PPP2R5C: variants seen among roughly 807,000 people sequenced by gnomAD.
PPP2R5C encodes protein phosphatase 2 regulatory subunit B'gamma.
PPP2R5C carries 7 observed loss-of-function variants against 68.9 expected under a neutral mutation model. The ratio of observed to expected loss-of-function variants is 0.10; its 90% CI spans 0.06 to 0.19. The LOEUF is 0.19. Ranked by LOEUF, PPP2R5C falls within the 10% of genes least tolerant of loss-of-function variation. PPP2R5C has a pLI of 1.00. For synonymous variants in PPP2R5C, 210 were observed against 222.2 expected, an observed-to-expected ratio of 0.95 and a Z score of 0.49; for missense variants, 348 against 641.3, an observed-to-expected ratio of 0.54 and a Z score of 4.94.
At chr14:101,763,846 C>G (rs559911858) in intron 2 of PPP2R5C, among the ~76,000 whole-genome samples, 2 of 152,346 alleles carry the variant, frequency 1.3e-5, no homozygotes, top group South Asian at 4.1e-4. Flanking sequence ...GTGGTTAGTT[C>G]TTTTTCTTCC....
At chr14:101,852,438 CT>C (rs896000840) in intron 1 of PPP2R5C, among the ~76,000 whole-genome samples, 100 of 134,578 alleles carry the variant, frequency 7.4e-4, no homozygotes, top group Middle Eastern at 3.9e-3. Context: ...ATAGCACATT[CT>C]TTTTTTTTCT....
Position 101,797,618 on chromosome 14 carries a change from G to A in PPP2R5C, c.259+11435G>A, listed in dbSNP as rs1174063510. ...TTTCCTCTTGGAAAATGAGGCTCCTGACTCACTTGACCTACTGCGTAGGCT... is the reference window on the plus strand; with the variant it reads ...TTTCCTCTTGGAAAATGAGGCTCCTAACTCACTTGACCTACTGCGTAGGCT... On this transcript the variant is annotated intron_variant, in intron 3 of 14. Transcript: ENST00000328724. This position sits in a 1 kb window ranked among gnomAD's most constrained non-coding sequence, Gnocchi z 4.2. The A allele has an allele frequency of 4.2e-6, 1 of 238,456 alleles. No homozygotes were observed. The allele number at this position is 238,456 out of a possible 1,614,324, so 14.8% of individuals were successfully genotyped here.
chr14:101,821,372 C>A (rs1023815413), intron 1 of PPP2R5C, among the ~76,000 whole-genome samples: 3 of 146,530 alleles, frequency 2.0e-5, no homozygotes, highest in Non-Finnish European at 4.5e-5. Flanking sequence ...CTACCATCCC[C>A]ACATCTCAAA....
At chr14:101,881,564 C>G (rs2044172098) in intron 2 of PPP2R5C, among the ~76,000 whole-genome samples, 1 of 152,224 alleles carries the variant, frequency 6.6e-6, no homozygotes, top group Non-Finnish European at 1.5e-5. Context: ...CCTGGGCGCA[C>G]AGCCATGCTG....
At chr14:101,799,380 A>G (rs1036256567) in intron 3 of PPP2R5C, among the ~76,000 whole-genome samples, 14 of 151,990 alleles carry the variant, frequency 9.2e-5, no homozygotes, top group African/African-American at 3.4e-4. Flanking sequence ...TGGGGAGCGC[A>G]CTCCATATCT....
At chr14:101,805,026 T>A (rs2039019881), upstream of PPP2R5C, among the ~76,000 whole-genome samples, 1 of 152,142 alleles carries the variant, frequency 6.6e-6, no homozygotes, top group Non-Finnish European at 1.5e-5. Flanking sequence ...TAAAAATAAG[T>A]TTTAAAAAAT....
At chr14:101,788,161 G>A (rs1010060395) in intron 3 of PPP2R5C, among the ~76,000 whole-genome samples, 4 of 152,202 alleles carry the variant, frequency 2.6e-5, no homozygotes, top group Admixed American at 2.0e-4. Context: ...CCCAAGCCCT[G>A]CCCCTAATGC....
In PPP2R5C at chr14:101,825,469, G is replaced by A. The variant is rs919467906; in HGVS notation, c.94+15433G>A. On this transcript the variant is annotated intron_variant, in intron 1 of 13. Coordinates refer to ENST00000334743, the Ensembl canonical transcript of PPP2R5C. The surrounding 1 kb of genome is among the most constrained non-coding windows in gnomAD (Gnocchi z 4.0). Reference sequence around the variant, plus strand: ...AAAGGTAGCTTTCCTAGTCCTTATCGTAGAGTGCACGCTCCCAGCTTTTGC... The same window carrying A: ...AAAGGTAGCTTTCCTAGTCCTTATCATAGAGTGCACGCTCCCAGCTTTTGC... Among the ~76,000 whole-genome samples, 2 of 152,090 alleles carry A rather than the reference G, an allele frequency of 1.3e-5. No homozygotes were observed. Among genetic ancestry groups the A allele is most frequent in the Non-Finnish European group, 1.5e-5 (1 of 68,008 alleles).
intron 1 of PPP2R5C, among the ~76,000 whole-genome samples, chr14:101,822,997 C>T (rs67245746): frequency 0.17 from 25,673 of 152,050 alleles, 2,247 homozygotes; most frequent in Admixed American, 0.21. Context: ...GTGTAACATA[C>T]GGGCTGAGAC....
intron 1 of PPP2R5C, chr14:101,843,499 C>G (rs946117834): frequency 5.6e-6 from 1 of 177,594 alleles, no homozygotes; most frequent in African/African-American, 2.4e-5. Flanking sequence ...AAAAGAGAAC[C>G]ACCTTTTGCT....
intron 1 of PPP2R5C, among the ~76,000 whole-genome samples, chr14:101,832,708 G>A (rs4906147): frequency 3.3e-5 from 5 of 152,104 alleles, no homozygotes; most frequent in South Asian, 2.1e-4. Context: ...AGGGTGGAGC[G>A]GGACTGTGGA....
At chr14:101,919,393 C>CA (rs2046886452) in intron 13 of PPP2R5C, among the ~76,000 whole-genome samples, 1 of 152,206 alleles carries the variant, frequency 6.6e-6, no homozygotes, top group Non-Finnish European at 1.5e-5. Flanking sequence ...ATGTTCTTAG[C>CA]AATGAATAGA....
At chr14:101,883,260 G>T (rs1595463144) in exon 4 of PPP2R5C, 1 of 1,541,994 alleles carries the variant, frequency 6.5e-7, no homozygotes, top group Admixed American at 2.1e-5. Context: ...CTCCTAGCTT[G>T]TTTATGAATT....
intron 3 of PPP2R5C, among the ~76,000 whole-genome samples, chr14:101,795,911 C>T (rs1326364920): frequency 6.6e-6 from 1 of 152,164 alleles, no homozygotes; most frequent in African/African-American, 2.4e-5. Context: ...CAGCCTGGAC[C>T]TCCCAGGCTC....
chr14:101,810,319 A>G (rs2039283034), intron 1 of PPP2R5C: 1 of 342,708 alleles, frequency 2.9e-6, no homozygotes, highest in Admixed American at 4.9e-5. Flanking sequence ...GCTGATGTCA[A>G]AGGATGTGAA....
chr14:101,917,952 A>C lies in PPP2R5C; in HGVS notation c.1443+5A>C, dbSNP rs771483753. 1.2e-6 allele frequency: 2 copies of C among 1,613,722 alleles called. No homozygotes were observed. Among genetic ancestry groups the C allele is most frequent in the African/African-American group, 2.7e-5 (2 of 74,896 alleles). ...GTGAAGGACGAGGCTCATCAGGTAA[A>C]AGTGCACCGAGCTCAGCTGGGCACC... On this transcript the variant is annotated splice_donor_5th_base_variant and intron_variant, in intron 13 of 13. Coordinates refer to ENST00000334743, the Ensembl canonical transcript of PPP2R5C. This position sits in a 1 kb window ranked among gnomAD's most constrained non-coding sequence, Gnocchi z 4.4.
At chr14:101,819,136 C>G (rs2039891781) in intron 1 of PPP2R5C, 3 of 1,463,548 alleles carry the variant, frequency 2.0e-6, no homozygotes, top group Middle Eastern at 1.7e-4. Context: ...TAGACAGTTT[C>G]TGTACATGTA....
chr14:101,761,799 C>A (rs2036552444), upstream of PPP2R5C: 3 of 903,270 alleles, frequency 3.3e-6, no homozygotes, highest in Non-Finnish European at 2.5e-6. Context: ...GCGGCGGCGG[C>A]GGCCGCGGGG....
chr14:101,876,938 C>T (rs1402540984), intron 2 of PPP2R5C, among the ~76,000 whole-genome samples: 2 of 141,636 alleles, frequency 1.4e-5, no homozygotes, highest in Admixed American at 1.4e-4. Flanking sequence ...AAAGGATTTA[C>T]GCTTTTTTTT....
Sources: allele counts gnomAD v4.1 joint callset (sites outside exome capture counted in the v4.1 genomes callset), GRCh38; gene constraint gnomAD v4.1.1; non-coding constraint Gnocchi (gnomAD v3.1); transcripts MANE v1.5; gene names NCBI Gene and HGNC (gene_info 2026-07-23, HGNC 2026-07-21).